Variants in LRRC28 observed in about 807,000 individuals in gnomAD.
LRRC28 encodes the protein leucine rich repeat containing 28.
In LRRC28, 39 loss-of-function variants were observed where a neutral mutation model predicts 45.7. That is an observed-to-expected ratio of 0.85 (90% CI 0.66 to 1.12). LRRC28 has a LOEUF of 1.12. LRRC28 is among the 50% of genes most tolerant of loss of function. LRRC28 has a pLI of 0.00. For missense variants in LRRC28, 435 were observed against 438.5 expected, an observed-to-expected ratio of 0.99 and a Z score of 0.07; for synonymous variants, 206 against 178.8, an observed-to-expected ratio of 1.15 and a Z score of -1.22.
chr15:99,390,672 C>T lies in LRRC28; in HGVS notation c.*4570C>T, dbSNP rs1958156873. On this transcript the variant is annotated 3_prime_UTR_variant, in exon 10 of 10. Coordinates refer to ENST00000301981, the MANE Select transcript of LRRC28 (RefSeq NM_144598.5). ...TAATTGAGCTTGAACCATGTGAATG[C>T]TCAGAATGTCAATGGTGGAGTATTT... is the stretch of plus-strand genomic sequence containing the variant. 1 of 152,194 alleles carries T rather than the reference C, an allele frequency of 6.6e-6. No homozygotes were observed. Among genetic ancestry groups the T allele is most frequent in the Admixed American group, 6.5e-5 (1 of 15,284 alleles). 9.4% of individuals were successfully genotyped at this position (152,194 alleles called of 1,614,324 possible).
chr15:99,378,599 G>A (rs997210198), intron 9 of LRRC28, among the ~76,000 whole-genome samples: 1 of 152,116 alleles, frequency 6.6e-6, no homozygotes, highest in African/African-American at 2.4e-5. Flanking sequence ...GGTGAGAGAG[G>A]GCATCCCTGT....
chr15:99,270,613 T>C lies in LRRC28; in HGVS notation c.169-5963T>C, dbSNP rs188763157. Among the ~76,000 whole-genome samples the C allele has an allele frequency of 1.7e-3, 261 of 152,376 alleles. 3 individuals are homozygous for C. Among genetic ancestry groups the C allele is most frequent in the African/African-American group, 6.1e-3 (254 of 41,582 alleles). On this transcript the variant is annotated intron_variant, in intron 2 of 9. Transcript: ENST00000301981. ...TTTAGCATATATCAGTACTTCTTTT[T>C]TTGTGTGTGATTCCGTAGGGATTCC...
At chr15:99,362,930 A>G (rs544738306) in intron 8 of LRRC28, among the ~76,000 whole-genome samples, 176 bp from the exon 9 acceptor site, 7 of 152,252 alleles carry the variant, frequency 4.6e-5, no homozygotes, top group African/African-American at 9.6e-5. Context: ...TATAAAAAAA[A>G]AATTTCATTT....
In LRRC28 at chr15:99,298,494, A is replaced by G. The variant is rs142458487; in HGVS notation, c.385+10543A>G. Among the ~76,000 whole-genome samples the G allele has an allele frequency of 6.4e-3, 971 of 152,270 alleles. 14 individuals carry two copies. Among genetic ancestry groups the G allele is most frequent in the African/African-American group, 0.022 (910 of 41,528 alleles). ...CTCTCAAATACAGATTTGACCCACTATTACCCCAGTTTAAAACCCTTCATT... is the reference window on the plus strand; with the variant it reads ...CTCTCAAATACAGATTTGACCCACTGTTACCCCAGTTTAAAACCCTTCATT... On this transcript the variant is annotated intron_variant, in intron 5 of 9. Transcript: ENST00000301981.
intron 5 of LRRC28, among the ~76,000 whole-genome samples, chr15:99,303,391 C>T (rs750659388): frequency 2.6e-5 from 4 of 152,010 alleles, no homozygotes; most frequent in African/African-American, 9.7e-5. Context: ...GGATAATTTT[C>T]ATAAAAAAGC....
chr15:99,259,612 G>T, intron 2 of LRRC28: 1 of 1,498,250 alleles, frequency 6.7e-7, no homozygotes, highest in Non-Finnish European at 9.3e-7. Flanking sequence ...AAGCACAAGC[G>T]TACCAAACGG....
rs1958121273 is a variant in LRRC28, at chr15:99,389,452, A to G, written c.*3350A>G. 6.6e-6 allele frequency: 1 copy of G among 152,204 alleles called. No homozygotes were observed. The highest frequency in any genetic ancestry group is 2.4e-5 in the African/African-American group (1 of 41,440). 9.4% of individuals were successfully genotyped at this position (152,204 alleles called of 1,614,324 possible). On this transcript the variant is annotated 3_prime_UTR_variant, in exon 10 of 10. Coordinates refer to ENST00000301981, the MANE Select transcript of LRRC28 (RefSeq NM_144598.5). Reference sequence around the variant, plus strand: ...CCCTTTCCTGAATGAAAAATCAGAAATTCTAATCTTTGCTATAAAGTACTT... The same window carrying G: ...CCCTTTCCTGAATGAAAAATCAGAAGTTCTAATCTTTGCTATAAAGTACTT...
chr15:99,340,613 C>T (rs1234073821), intron 6 of LRRC28, among the ~76,000 whole-genome samples: 10 of 152,124 alleles, frequency 6.6e-5, no homozygotes, highest in African/African-American at 1.9e-4. Flanking sequence ...ATGGCCTTGA[C>T]GTCATTATTT....
At chr15:99,364,477 A>G (rs1957289931) in intron 9 of LRRC28, among the ~76,000 whole-genome samples, 1 of 152,180 alleles carries the variant, frequency 6.6e-6, no homozygotes, top group Non-Finnish European at 1.5e-5. Flanking sequence ...AAATCTTTCT[A>G]ATTTGCTACT....
chr15:99,302,208 T>C (rs1376361687), intron 5 of LRRC28, among the ~76,000 whole-genome samples: 1 of 151,904 alleles, frequency 6.6e-6, no homozygotes, highest in Non-Finnish European at 1.5e-5. Context: ...TTTGTATTTT[T>C]AGTAGAGATG....
chr15:99,286,643 A>C (rs1405971699), intron 3 of LRRC28: 2 of 152,280 alleles, frequency 1.3e-5, no homozygotes, highest in Non-Finnish European at 2.9e-5. Flanking sequence ...GAAAATTGTT[A>C]CTTAGGCTTG....
At chr15:99,315,420 A>G (rs1453595287) in intron 5 of LRRC28, among the ~76,000 whole-genome samples, 1 of 152,286 alleles carries the variant, frequency 6.6e-6, no homozygotes, top group East Asian at 1.9e-4. Flanking sequence ...GCTTAAAATG[A>G]ACTTCCAGTG....
chr15:99,359,828 A>C (rs1957149437), intron 7 of LRRC28, among the ~76,000 whole-genome samples: 1 of 152,246 alleles, frequency 6.6e-6, no homozygotes, highest in Non-Finnish European at 1.5e-5. Flanking sequence ...TTATGTGAAC[A>C]AAATCGCATT....
At chr15:99,259,736 A>G (rs2081138420) in intron 2 of LRRC28, 4 of 1,419,256 alleles carry the variant, frequency 2.8e-6, no homozygotes, top group Non-Finnish European at 4.0e-6. Flanking sequence ...TGAAGATGAT[A>G]AAACAGTTTT....
At chr15:99,354,614 G>C (rs1411988747) in intron 7 of LRRC28, among the ~76,000 whole-genome samples, 4 of 152,114 alleles carry the variant, frequency 2.6e-5, no homozygotes, top group Non-Finnish European at 4.4e-5. Flanking sequence ...ACTCTGTTTG[G>C]TCACTGTATG....
At chr15:99,302,287 A>G (rs1441534219) in intron 5 of LRRC28, among the ~76,000 whole-genome samples, 3 of 152,188 alleles carry the variant, frequency 2.0e-5, no homozygotes, top group Non-Finnish European at 4.4e-5. Context: ...TCGGCCTCCC[A>G]AAGTGCTGGG....
At position 99,305,001 on chromosome 15, in the gene LRRC28, AC is replaced by A. The variant is rs113810397; in HGVS notation, c.385+17054del. On this transcript the variant is annotated intron_variant, in intron 5 of 9. Transcript: ENST00000301981. ...GGAGATACTTGAGACTGTGTGGCCC[AC>A]CCCAATCTTGTGGACCTGCTCGCGT... 1.1e-4 allele frequency among the ~76,000 whole-genome samples: 17 copies of A among 152,212 alleles called. 3 individuals carry two copies. The highest frequency in any genetic ancestry group is 3.9e-4 in the African/African-American group (16 of 41,542).
intron 2 of LRRC28, among the ~76,000 whole-genome samples, chr15:99,266,904 T>C (rs34087342): frequency 0.095 from 14,454 of 152,234 alleles, 957 homozygotes; most frequent in East Asian, 0.31. Context: ...AGTCATAAAA[T>C]GTACATCAAA....
chr15:99,292,611 G>A (rs549050205), intron 5 of LRRC28, among the ~76,000 whole-genome samples: 1 of 152,054 alleles, frequency 6.6e-6, no homozygotes, highest in East Asian at 1.9e-4. Context: ...TGATCCACCC[G>A]CCTCGGCCTC....
Sources: allele counts gnomAD v4.1 joint callset (sites outside exome capture counted in the v4.1 genomes callset), GRCh38; gene constraint gnomAD v4.1.1; transcripts MANE v1.5; gene names NCBI Gene and HGNC (gene_info 2026-07-23, HGNC 2026-07-21).